Variants in PAX3 observed in about 807,000 individuals in gnomAD.
The protein encoded by PAX3 is paired box 3.
Under a neutral mutation model 51.6 loss-of-function variants are expected in PAX3, and 14 were observed. The observed-to-expected ratio is 0.27, with a 90% CI of 0.18 to 0.42. PAX3 has a LOEUF of 0.42. Ranked by LOEUF, PAX3 falls within the 10% of genes least tolerant of loss-of-function variation. The probability of loss-of-function intolerance (pLI) is 1.00; values close to 1 mark genes in which losing one functional copy is unlikely to be tolerated. For synonymous variants in PAX3, 280 were observed against 253.4 expected (o/e 1.11, Z -1.00); for missense variants, 540 against 642.8 (o/e 0.84, Z 1.73).
intron 7 of PAX3, among the ~76,000 whole-genome samples, chr2:222,218,715 C>G (rs1692066889): frequency 1.3e-5 from 2 of 152,100 alleles, no homozygotes; most frequent in South Asian, 4.1e-4. Flanking sequence ...AATGCCAGTA[C>G]TTGGAAATAA....
chr2:222,285,333 G>A (rs1694794858), intron 4 of PAX3, among the ~76,000 whole-genome samples: 1 of 152,282 alleles, frequency 6.6e-6, no homozygotes, highest in African/African-American at 2.4e-5. Context: ...GAAAGAAAGA[G>A]GTAGTATGAA....
intron 7 of PAX3, among the ~76,000 whole-genome samples, chr2:222,213,525 T>C (rs1193026749): frequency 1.3e-5 from 2 of 152,146 alleles, no homozygotes; most frequent in African/African-American, 2.4e-5. Flanking sequence ...TCTGAAGCCC[T>C]GGCAATCAGC....
At chr2:222,243,421 T>A (rs1029008691) in intron 4 of PAX3, among the ~76,000 whole-genome samples, 3 of 152,218 alleles carry the variant, frequency 2.0e-5, no homozygotes, top group African/African-American at 2.4e-5. Flanking sequence ...ATACTGTCCT[T>A]TGCACTAGGG....
chr2:222,274,906 A>G (rs551064021), intron 4 of PAX3, among the ~76,000 whole-genome samples: 7 of 152,306 alleles, frequency 4.6e-5, no homozygotes, highest in Non-Finnish European at 8.8e-5. Context: ...GCTAGGACCC[A>G]ATTCATGTGG....
rs1691233272 is a variant in PAX3, at chr2:222,199,967, T to C, written c.*1441A>G. On this transcript the variant is annotated 3_prime_UTR_variant, in exon 9 of 9. Transcript: ENST00000392070. ...ACATGAAAGACATTTTTACAACACA[T>C]TGTTGTTGGTTGAGGCTGCAACACA... 2 of 192,526 alleles carry C rather than the reference T, an allele frequency of 1.0e-5. No homozygotes were observed. Among genetic ancestry groups the C allele is most frequent in the Admixed American group, 6.1e-5 (1 of 16,332 alleles). 11.9% of individuals were successfully genotyped at this position (192,526 alleles called of 1,614,324 possible).
At chr2:222,239,117 G>C (rs989799345) in intron 4 of PAX3, among the ~76,000 whole-genome samples, 1 of 152,178 alleles carries the variant, frequency 6.6e-6, no homozygotes, top group Non-Finnish European at 1.5e-5. Context: ...TTCCCTTTGT[G>C]ATCTTTGGGA....
intron 5 of PAX3, among the ~76,000 whole-genome samples, chr2:222,225,743 T>G (rs1692358975): frequency 6.6e-6 from 1 of 152,180 alleles, no homozygotes. Context: ...CAATCTAAGC[T>G]TCTAAAAGAA....
chr2:222,201,203 T>C lies in PAX3; in HGVS notation c.*205A>G, dbSNP rs771795902. The C allele has an allele frequency of 6.8e-6, 11 of 1,614,110 alleles. No individual in the cohort carries two copies. Among genetic ancestry groups the C allele is most frequent in the Non-Finnish European group, 8.5e-6 (10 of 1,180,008 alleles). On this transcript the variant is annotated 3_prime_UTR_variant, in exon 9 of 9. Transcript: ENST00000392070. The stretch of plus-strand genomic sequence containing the variant: ...TGCTCCAGGTCTTCCTCTTCTCCAC[T>C]GCTTTTGTCGAACGTGTTCAAAAGG...
chr2:222,246,112 A>G lies in PAX3; in HGVS notation c.587-13829T>C, dbSNP rs538451989. Among the ~76,000 whole-genome samples the G allele has an allele frequency of 4.6e-5, 7 of 152,338 alleles. No homozygotes were observed. The South Asian group carries it at 1.5e-3, about 32-fold the overall frequency. On this transcript the variant is annotated intron_variant, in intron 4 of 8. Transcript: ENST00000392070. ...ACTTTTTCCCCAAAATTCTCCTCTG[A>G]CAAGGCTTTCTGAGTTAGGAAAGCC...
At chr2:222,245,815 CAA>C (rs10628623) in intron 4 of PAX3, among the ~76,000 whole-genome samples, 4 of 135,488 alleles carry the variant, frequency 3.0e-5, no homozygotes, top group Non-Finnish European at 4.7e-5. Context: ...ACTAAAAATA[CAA>C]AAAAAAAAAA....
chr2:222,263,330 A>C (rs1003711909), intron 4 of PAX3: 13 of 152,220 alleles, frequency 8.5e-5, no homozygotes, highest in African/African-American at 3.1e-4. Flanking sequence ...ATTTCACCAA[A>C]GAGGATATAT....
At chr2:222,229,864 T>C (rs1323406707) in intron 5 of PAX3, among the ~76,000 whole-genome samples, 1 of 152,222 alleles carries the variant, frequency 6.6e-6, no homozygotes, top group Non-Finnish European at 1.5e-5. Context: ...AGTGAATATC[T>C]ATCTAGCCCG....
At chr2:222,228,724 C>T (rs1692473549) in intron 5 of PAX3, among the ~76,000 whole-genome samples, 1 of 152,050 alleles carries the variant, frequency 6.6e-6, no homozygotes, top group Non-Finnish European at 1.5e-5. Context: ...CACTTGAGTC[C>T]AGGAGCTCAA....
intron 1 of PAX3, chr2:222,298,012 A>G (rs1003640919): frequency 6.4e-6 from 1 of 155,138 alleles, no homozygotes; most frequent in African/African-American, 2.4e-5. Context: ...AAACTTCTAG[A>G]TGCTATTTGA....
chr2:222,290,294 C>T (rs1020655841), intron 4 of PAX3, among the ~76,000 whole-genome samples: 6 of 152,324 alleles, frequency 3.9e-5, no homozygotes, highest in South Asian at 2.1e-4. Context: ...CAAAAGCTGA[C>T]AAGCTTACAA....
Position 222,232,105 on chromosome 2 carries a change from C to A in PAX3, c.765G>T (p.Arg255Ser). The change falls in exon 5 of 9, where the codon AGG becomes AGT. Residue 255 changes from arginine to serine, a missense_variant. Transcript: ENST00000392070. ...DIYTREELAQ[R>S]AKLTEARVQV... ...GTACTCGGGCCTCGGTGAGCTTCGC[C>A]CTCTGGGCCAGTTCCTCCCTAGTAT... The A allele has an allele frequency of 6.2e-7, 1 of 1,613,958 alleles. No homozygotes were observed. The highest frequency in any genetic ancestry group is 8.5e-7 in the Non-Finnish European group (1 of 1,179,950).
At chr2:222,246,928 G>A (rs942865774) in intron 4 of PAX3, among the ~76,000 whole-genome samples, 3 of 152,152 alleles carry the variant, frequency 2.0e-5, no homozygotes, top group Admixed American at 1.3e-4. Flanking sequence ...CATTTGGATG[G>A]CCAGATATGA....
intron 4 of PAX3, among the ~76,000 whole-genome samples, chr2:222,233,302 A>G (rs745645548): frequency 6.6e-6 from 1 of 152,084 alleles, no homozygotes; most frequent in Non-Finnish European, 1.5e-5. Flanking sequence ...GTGGAAGGGA[A>G]TTTCAAAATT....
chr2:222,203,910 T>C lies in PAX3; in HGVS notation c.1174-1720A>G, dbSNP rs530031230. On this transcript the variant is annotated intron_variant, in intron 7 of 8. Coordinates refer to ENST00000392070, the MANE Select transcript of PAX3 (RefSeq NM_181458.4). ...CGGATGTCCCTGCCTTCCCCAGAAA[T>C]CCTGTTTTTCATTTTGTTGTCTCTC... Among the ~76,000 whole-genome samples, 20 of 152,278 alleles carry C rather than the reference T, an allele frequency of 1.3e-4. No homozygotes were observed. In the South Asian group the frequency reaches 3.7e-3, roughly 28 times the overall value.
Sources: gnomAD v4.1 joint callset for allele counts (sites outside exome capture counted in the v4.1 genomes callset) on GRCh38, gnomAD v4.1.1 for gene constraint, MANE v1.5 for transcripts, NCBI Gene and HGNC (gene_info 2026-07-23, HGNC 2026-07-21) for gene names.